NRG2: variants seen among roughly 807,000 people sequenced by gnomAD.
NRG2 encodes neuregulin 2, also known as pro-neuregulin-2, membrane-bound isoform.
Under a neutral mutation model 73.9 loss-of-function variants are expected in NRG2, and 27 were observed. The ratio of observed to expected loss-of-function variants is 0.37; its 90% confidence interval spans 0.27 to 0.50. The LOEUF (loss-of-function observed/expected upper bound fraction) is 0.50. Ranked by LOEUF, NRG2 falls within the 20% of genes least tolerant of loss-of-function variation. The pLI is 0.96. For synonymous variants in NRG2, 532 were observed against 541.0 expected (o/e 0.98, Z 0.23); for missense variants, 1,126 against 1,210.1 (o/e 0.93, Z 1.03).
chr5:139,923,543 C>A (rs1751835234), intron 1 of NRG2, among the ~76,000 whole-genome samples: 2 of 152,184 alleles, frequency 1.3e-5, no homozygotes, highest in Non-Finnish European at 2.9e-5. Flanking sequence ...CACTCTGGAG[C>A]CTAGTTTCCT....
Position 139,904,457 on chromosome 5 carries a change from C to T in NRG2, c.701-16946G>A. On this transcript the variant is annotated intron_variant, in intron 1 of 9. Coordinates refer to ENST00000361474, the MANE Select transcript of NRG2 (RefSeq NM_004883.3). The surrounding 1 kb of genome is among the most constrained non-coding windows in gnomAD (Gnocchi z 6.0). ...GCTCTCCGCTGCCGCGCTGCGCCCC[C>T]GCCGCCTGCAGCCTCAGTGCCCGAG... The T allele has an allele frequency of 3.8e-6, 4 of 1,047,452 alleles. No homozygotes were observed. Among genetic ancestry groups the T allele is most frequent in the South Asian group, 1.4e-5 (1 of 69,560 alleles). 64.9% of individuals were successfully genotyped at this position (1,047,452 alleles called of 1,614,324 possible).
intron 1 of NRG2, among the ~76,000 whole-genome samples, chr5:140,034,307 A>G (rs745557179): frequency 2.2e-4 from 34 of 151,240 alleles, no homozygotes; most frequent in African/African-American, 8.0e-4. Context: ...TCAAGCTCTT[A>G]GTCATTACAC....
chr5:139,948,963 A>G (rs1488707271), intron 1 of NRG2, among the ~76,000 whole-genome samples: 2 of 152,262 alleles, frequency 1.3e-5, no homozygotes, highest in Admixed American at 1.3e-4. Flanking sequence ...GCCATGTTCA[A>G]TTAACAAAGC....
intron 1 of NRG2, among the ~76,000 whole-genome samples, chr5:139,991,080 C>A (rs1361039169): frequency 1.3e-5 from 2 of 152,072 alleles, no homozygotes; most frequent in Non-Finnish European, 2.9e-5. Flanking sequence ...TCAAGACCAA[C>A]CTGGCCAAGA....
intron 1 of NRG2, among the ~76,000 whole-genome samples, chr5:139,962,385 G>A (rs899916289): frequency 2.0e-5 from 3 of 152,188 alleles, no homozygotes; most frequent in East Asian, 1.9e-4. Context: ...CAAAACTATC[G>A]GGACAGAACA....
intron 9 of NRG2, 78 bp from the exon 10 acceptor site, chr5:139,848,775 G>GGGGGT: frequency 3.3e-6 from 2 of 601,720 alleles, no homozygotes; most frequent in Non-Finnish European, 4.8e-6. Flanking sequence ...GTGGGGTAGG[G>GGGGGT]TGGGAGGGGC....
At chr5:139,919,068 T>A (rs985305204) in intron 1 of NRG2, among the ~76,000 whole-genome samples, 1 of 152,208 alleles carries the variant, frequency 6.6e-6, no homozygotes, top group Non-Finnish European at 1.5e-5. Context: ...GAGCACAATA[T>A]GCTTCTGAAA....
chr5:139,871,991 C>A, intron 3 of NRG2, 150 bp from the exon 4 acceptor site: 1 of 1,126,398 alleles, frequency 8.9e-7, no homozygotes. Flanking sequence ...CCCTTCTAGT[C>A]ACAAATAAGG....
Position 139,915,739 on chromosome 5 carries a change from C to T in NRG2, c.701-28228G>A, listed in dbSNP as rs183703799. Among the ~76,000 whole-genome samples the T allele has an allele frequency of 5.5e-4, 83 of 152,252 alleles. No homozygotes were observed. Among genetic ancestry groups the T allele is most frequent in the African/African-American group, 1.8e-3 (76 of 41,548 alleles). On this transcript the variant is annotated intron_variant, in intron 1 of 9. Coordinates refer to ENST00000361474, the MANE Select transcript of NRG2 (RefSeq NM_004883.3). The surrounding 1 kb of genome is among the most constrained non-coding windows in gnomAD (Gnocchi z 4.0). ...GAAAGGCTGTGTGGTAAATTCTAGA[C>T]GATCAGCTAGTTAAAATGAAAGGAA...
At chr5:140,002,119 G>A (rs934447323) in intron 1 of NRG2, among the ~76,000 whole-genome samples, 1 of 152,270 alleles carries the variant, frequency 6.6e-6, no homozygotes, top group South Asian at 2.1e-4. Context: ...GGGAGGTCAA[G>A]GCTACAGTGA....
At position 140,010,278 on chromosome 5, in the gene NRG2, A is replaced by G. The variant is rs185556501; in HGVS notation, c.700+32092T>C. Among the ~76,000 whole-genome samples the G allele has an allele frequency of 2.3e-3, 342 of 151,960 alleles. 3 individuals carry two copies. The highest frequency in any genetic ancestry group is 8.0e-3 in the African/African-American group (332 of 41,538). Reference sequence around the variant, plus strand: ...GTACCACTGCACTCCAGCCTGAGTGACACAGCGAGACTGTCTCAAAAAAAA... The same window carrying G: ...GTACCACTGCACTCCAGCCTGAGTGGCACAGCGAGACTGTCTCAAAAAAAA... On this transcript the variant is annotated intron_variant, in intron 1 of 9. Transcript: ENST00000361474.
At chr5:140,041,984 G>A (rs1761960491) in intron 1 of NRG2, among the ~76,000 whole-genome samples, 1 of 152,014 alleles carries the variant, frequency 6.6e-6, no homozygotes, top group African/African-American at 2.4e-5. Context: ...GCGGCAGCAG[G>A]GCAGGCAAGG....
chr5:140,032,730 G>A (rs1761245682), intron 1 of NRG2, among the ~76,000 whole-genome samples: 1 of 152,156 alleles, frequency 6.6e-6, no homozygotes, highest in African/African-American at 2.4e-5. Flanking sequence ...TAAATGATAA[G>A]TGTTATATAC....
intron 3 of NRG2, among the ~76,000 whole-genome samples, chr5:139,876,795 T>C (rs1308060378): frequency 6.6e-6 from 1 of 152,126 alleles, no homozygotes. Flanking sequence ...GCAGACCTTT[T>C]AGAGTTCGGG....
At chr5:139,973,394 G>A (rs75823825) in intron 1 of NRG2, among the ~76,000 whole-genome samples, 13,283 of 151,912 alleles carry the variant, frequency 0.087, 780 homozygotes, top group Non-Finnish European at 0.13. Flanking sequence ...GTCTCACTCC[G>A]TTGCCTGGGC....
Position 139,847,807 on chromosome 5 carries a change from G to T in NRG2, c.*110C>A. On this transcript the variant is annotated 3_prime_UTR_variant, in exon 10 of 10. Coordinates refer to ENST00000361474, the MANE Select transcript of NRG2 (RefSeq NM_004883.3). Reference sequence around the variant, plus strand: ...TTTGTTATACTTTTTTCCTTTTATAGAAAATAAAAATATTTTTATTTCTTT... The same window carrying T: ...TTTGTTATACTTTTTTCCTTTTATATAAAATAAAAATATTTTTATTTCTTT... 1.3e-6 allele frequency: 1 copy of T among 742,614 alleles called. No individual in the cohort carries two copies. The highest frequency in any genetic ancestry group is 1.9e-6 in the Non-Finnish European group (1 of 532,974). The allele number at this position is 742,614 out of a possible 1,614,324, so 46.0% of individuals were successfully genotyped here.
Position 140,009,530 on chromosome 5 carries a change from G to T in NRG2, c.700+32840C>A, listed in dbSNP as rs146239210. 7.2e-5 allele frequency among the ~76,000 whole-genome samples: 11 copies of T among 152,322 alleles called. No individual in the cohort carries two copies. The East Asian group carries it at 1.7e-3, about 24-fold the overall frequency. On this transcript the variant is annotated intron_variant, in intron 1 of 9. Transcript: ENST00000361474. Reference sequence around the variant, plus strand: ...TGGGAAAATACCAAAGAATGAAATTGCTCGATCTTACGGTAAGAGTAGTTT... The same window carrying T: ...TGGGAAAATACCAAAGAATGAAATTTCTCGATCTTACGGTAAGAGTAGTTT...
rs149409749 is a variant in NRG2, at chr5:139,852,087, C to A, written c.1545-256G>T. ...TTTCCTTCCTGCAACCAGCCTCCCC[C>A]CAGCCTTACCTTAGACCCCCTGTCT... is the stretch of plus-strand genomic sequence containing the variant. On this transcript the variant is annotated intron_variant, in intron 8 of 9. Coordinates refer to ENST00000361474, the MANE Select transcript of NRG2 (RefSeq NM_004883.3). This position sits in a 1 kb window ranked among gnomAD's most constrained non-coding sequence, Gnocchi z 4.4. 7.6e-3 allele frequency among the ~76,000 whole-genome samples: 1,154 copies of A among 152,338 alleles called. 15 individuals are homozygous for A. Among genetic ancestry groups the A allele is most frequent in the African/African-American group, 0.026 (1,098 of 41,576 alleles).
intron 1 of NRG2, among the ~76,000 whole-genome samples, chr5:139,911,112 G>A (rs777449876): frequency 1.4e-4 from 22 of 151,998 alleles, no homozygotes; most frequent in Non-Finnish European, 2.9e-4. Flanking sequence ...GGAGCAGGAC[G>A]GGGAGAGGAA....
Sources: gnomAD v4.1 joint callset for allele counts (sites outside exome capture counted in the v4.1 genomes callset) on GRCh38, gnomAD v4.1.1 for gene constraint, Gnocchi (gnomAD v3.1) non-coding constraint, MANE v1.5 for transcripts, NCBI Gene and HGNC (gene_info 2026-07-23, HGNC 2026-07-21) for gene names.